KIF9: variants seen among roughly 807,000 people sequenced by gnomAD.
KIF9 encodes the protein kinesin-like protein KIF9.
A neutral mutation model predicts 94.8 loss-of-function variants in KIF9; 68 were observed. The observed-to-expected ratio is 0.72, with a 90% CI of 0.59 to 0.88. The LOEUF (loss-of-function observed/expected upper bound fraction) is 0.88. KIF9 is among the 40% of genes least tolerant of loss of function. The pLI is 0.00. For missense variants in KIF9, 882 were observed against 982.5 expected, an observed-to-expected ratio of 0.90 and a Z score of 1.37; for synonymous variants, 343 against 362.1, an observed-to-expected ratio of 0.95 and a Z score of 0.60.
intron 20 of KIF9, among the ~76,000 whole-genome samples, chr3:47,232,986 A>C (rs1193984201): frequency 6.6e-6 from 1 of 151,200 alleles, no homozygotes; most frequent in Non-Finnish European, 1.5e-5. Flanking sequence ...ATCTCAAAAA[A>C]AAAAAAAAAA....
chr3:47,273,497 C>G (rs1701772338), intron 4 of KIF9, 55 bp downstream of exon 4: 1 of 1,394,960 alleles, frequency 7.2e-7, no homozygotes, highest in Non-Finnish European at 9.9e-7. Context: ...TCAGTAACAT[C>G]TATGGCAGAG....
intron 17 of KIF9, among the ~76,000 whole-genome samples, chr3:47,239,348 G>A (rs1442846267): frequency 2.0e-5 from 3 of 152,160 alleles, no homozygotes; most frequent in African/African-American, 7.2e-5. Flanking sequence ...TTCAAAGAAA[G>A]TGTGAGCAGA....
At chr3:47,267,774 G>T (rs1487075019) in intron 5 of KIF9, among the ~76,000 whole-genome samples, 1 of 151,170 alleles carries the variant, frequency 6.6e-6, no homozygotes, top group Non-Finnish European at 1.5e-5. Flanking sequence ...GGGTTTATAG[G>T]TTATTTTATC....
At chr3:47,275,538 G>T in intron 2 of KIF9, 48 bp from the exon 3 acceptor site, 1 of 1,472,520 alleles carries the variant, frequency 6.8e-7, no homozygotes, top group Non-Finnish European at 9.4e-7. Flanking sequence ...GTTCAAAAAT[G>T]GGTATAAAAA....
At chr3:47,245,945 G>C in intron 13 of KIF9, 2 of 512,844 alleles carry the variant, frequency 3.9e-6, no homozygotes, top group Admixed American at 6.7e-5. Flanking sequence ...AGTGTGTGTT[G>C]CAATATTCAC....
At chr3:47,248,161 A>G in intron 10 of KIF9, 75 bp from the exon 11 acceptor site, 1 of 1,070,292 alleles carries the variant, frequency 9.3e-7, no homozygotes, top group Non-Finnish European at 1.4e-6. Flanking sequence ...TTCCACAGCA[A>G]AAGTACAATT....
intron 13 of KIF9, 117 bp from the exon 14 acceptor site, chr3:47,245,628 AC>A (rs1699873207): frequency 5.3e-6 from 4 of 748,808 alleles, no homozygotes; most frequent in Non-Finnish European, 9.6e-6. Context: ...GTGGGGCCAC[AC>A]CTTCATCATG....
chr3:47,229,826 C>G (rs771618778), intron 20 of KIF9, among the ~76,000 whole-genome samples: 11 of 151,886 alleles, frequency 7.2e-5, no homozygotes, highest in Non-Finnish European at 1.2e-4. Flanking sequence ...CTCTGCCTCC[C>G]GGGTTCAAGC....
At chr3:47,264,174 T>C in intron 9 of KIF9, 112 bp downstream of exon 9, 1 of 829,314 alleles carries the variant, frequency 1.2e-6, no homozygotes, top group Non-Finnish European at 2.1e-6. Flanking sequence ...ATCCTTCCAC[T>C]CTTGACAATG....
rs1161791041 is a variant in KIF9, at chr3:47,239,679, C to T, written c.1924+1122G>A. On this transcript the variant is annotated intron_variant, in intron 17 of 20. Transcript: ENST00000684063. ...CTTGCCTCACTACAACCTCTGCCTC[C>T]TGGGCTCAAGCGATTTTCATGCCTC... is the stretch of plus-strand genomic sequence containing the variant. 4.3e-5 allele frequency: 50 copies of T among 1,154,246 alleles called. 1 individual carries two copies. The Admixed American group carries it at 1.6e-3, about 37-fold the overall frequency. 71.5% of individuals were successfully genotyped at this position (1,154,246 alleles called of 1,614,324 possible).
chr3:47,236,245 T>C, intron 18 of KIF9, 96 bp from the exon 19 acceptor site: 1 of 1,076,082 alleles, frequency 9.3e-7, no homozygotes, highest in Non-Finnish European at 1.4e-6. Flanking sequence ...ATCTGTTCAC[T>C]TCCTGCTCCA....
At chr3:47,255,834 C>T in intron 10 of KIF9, among the ~76,000 whole-genome samples, 1 of 152,182 alleles carries the variant, frequency 6.6e-6, no homozygotes. Context: ...GTACTGCTGC[C>T]ATCTCGGCTC....
chr3:47,281,929 G>A (rs1378516666), intron 1 of KIF9, among the ~76,000 whole-genome samples: 1 of 152,220 alleles, frequency 6.6e-6, no homozygotes, highest in Non-Finnish European at 1.5e-5. Flanking sequence ...CTGTCATGGG[G>A]AACCCTCATA....
At chr3:47,229,053 A>G (rs533838275) in intron 20 of KIF9, among the ~76,000 whole-genome samples, 2 of 152,354 alleles carry the variant, frequency 1.3e-5, no homozygotes, top group Admixed American at 1.3e-4. Context: ...CCAGGTATTC[A>G]GAAGGGCCCT....
chr3:47,253,006 G>C (rs1004693795), intron 10 of KIF9, among the ~76,000 whole-genome samples: 1 of 151,786 alleles, frequency 6.6e-6, no homozygotes, highest in Admixed American at 6.6e-5. Context: ...GGGCGACAGA[G>C]CTAGACTCCA....
intron 10 of KIF9, among the ~76,000 whole-genome samples, chr3:47,256,153 C>T (rs1306870170): frequency 1.3e-5 from 2 of 152,232 alleles, no homozygotes; most frequent in Admixed American, 6.5e-5. Flanking sequence ...CCCAAAAGGC[C>T]GAGATTGCAG....
rs1466853236 is a variant in KIF9, at chr3:47,236,154, A to G, written c.2102-5T>C. ...CATTGTACCAGATGTCAAATTCTAC[A>G]AGGAGGTGAGGAGACAGAACTTGAG... On this transcript the variant is annotated splice_region_variant and splice_polypyrimidine_tract_variant and intron_variant, in intron 18 of 20. Coordinates refer to ENST00000684063, the MANE Select transcript of KIF9 (RefSeq NM_182902.4). 1.2e-6 allele frequency: 2 copies of G among 1,606,170 alleles called. No homozygotes were observed. The highest frequency in any genetic ancestry group is 4.5e-5 in the East Asian group (2 of 44,866).
At position 47,277,162 on chromosome 3, in the gene KIF9, T is replaced by G. The variant is rs576386878; in HGVS notation, c.93+120A>C. 4.9e-6 allele frequency: 3 copies of G among 618,348 alleles called. No individual in the cohort carries two copies. The East Asian group carries it at 8.9e-5, about 18-fold the overall frequency. The allele number at this position is 618,348 out of a possible 1,614,324, so 38.3% of individuals were successfully genotyped here. A position where few individuals can be genotyped will look rare whatever the true frequency, so the allele number is the denominator to read the frequency against. On this transcript the variant is annotated intron_variant, in intron 2 of 20. Transcript: ENST00000684063. Reference sequence around the variant, plus strand: ...GGTTTGGATTTGATGGGCTCTAGAGTCCATTGGATCCTGTCCAATTCTGTC... The same window carrying G: ...GGTTTGGATTTGATGGGCTCTAGAGGCCATTGGATCCTGTCCAATTCTGTC...
chr3:47,241,037 C>A (rs1295270534), intron 16 of KIF9, 22 bp from the exon 17 acceptor site: 2 of 1,606,024 alleles, frequency 1.2e-6, no homozygotes, highest in Admixed American at 3.3e-5. Context: ...AAGGTGAGAC[C>A]AAAGAGGATA....
Sources: gnomAD v4.1 joint callset for allele counts (sites outside exome capture counted in the v4.1 genomes callset) on GRCh38, gnomAD v4.1.1 for gene constraint, MANE v1.5 for transcripts, NCBI Gene and HGNC (gene_info 2026-07-23, HGNC 2026-07-21) for gene names.